The following GRIN2B variants were observed in gnomAD, a reference collection of about 807,000 sequenced individuals.
GRIN2B encodes the protein glutamate ionotropic receptor NMDA type subunit 2B.
In GRIN2B, 5 loss-of-function variants were observed where a neutral mutation model predicts 114.5. The ratio of observed to expected loss-of-function variants is 0.04; its 90% CI spans 0.02 to 0.09. GRIN2B has a LOEUF of 0.09. Among genes scored for constraint, GRIN2B ranks in the 10% least tolerant of loss-of-function variants. GRIN2B has a pLI of 1.00. For synonymous variants in GRIN2B, 787 were observed against 745.1 expected, an observed-to-expected ratio of 1.06 and a Z score of -0.92; for missense variants, 1,108 against 1,943.5, an observed-to-expected ratio of 0.57 and a Z score of 8.08.
intron 5 of GRIN2B, among the ~76,000 whole-genome samples, chr12:13,671,277 T>C (rs1391695035): frequency 6.6e-6 from 1 of 152,152 alleles, no homozygotes; most frequent in Non-Finnish European, 1.5e-5. Context: ...TCTTTGAATC[T>C]TTACAACAGC....
chr12:13,868,178 T>C (rs1443494081), intron 2 of GRIN2B, among the ~76,000 whole-genome samples: 1 of 152,116 alleles, frequency 6.6e-6, no homozygotes, highest in African/African-American at 2.4e-5. Flanking sequence ...GCCTTGTCTC[T>C]CTCTCACAAA....
chr12:13,913,373 T>C (rs1039911186), intron 2 of GRIN2B, among the ~76,000 whole-genome samples: 12 of 152,122 alleles, frequency 7.9e-5, no homozygotes, highest in African/African-American at 2.2e-4. Context: ...GAGAGTTTTT[T>C]TGGAGCCTCC....
intron 3 of GRIN2B, among the ~76,000 whole-genome samples, chr12:13,820,746 T>G (rs1864918754): frequency 6.6e-6 from 1 of 152,206 alleles, no homozygotes; most frequent in South Asian, 2.1e-4. Context: ...CTCTTTTAAC[T>G]ATCTGAAAGG....
At chr12:13,854,524 C>CAA (rs940623877) in intron 3 of GRIN2B, among the ~76,000 whole-genome samples, 7 of 151,778 alleles carry the variant, frequency 4.6e-5, no homozygotes, top group Non-Finnish European at 1.0e-4. Flanking sequence ...CAAAACAAAA[C>CAA]AAGAAGCAAA....
intron 4 of GRIN2B, among the ~76,000 whole-genome samples, chr12:13,721,309 C>T (rs539199859): frequency 6.6e-6 from 1 of 151,904 alleles, no homozygotes; most frequent in Non-Finnish European, 1.5e-5. Context: ...CTAAGTGTGA[C>T]AGGAGGCCAT....
intron 10 of GRIN2B, among the ~76,000 whole-genome samples, chr12:13,603,837 A>C (rs1156330797): frequency 6.6e-6 from 1 of 151,900 alleles, no homozygotes; most frequent in Non-Finnish European, 1.5e-5. Flanking sequence ...CCAAATACAC[A>C]GGGACTCAAA....
At chr12:13,972,317 C>T (rs1862936820) in intron 2 of GRIN2B, among the ~76,000 whole-genome samples, 1 of 152,074 alleles carries the variant, frequency 6.6e-6, no homozygotes, top group South Asian at 2.1e-4. Context: ...AGACTATTGT[C>T]ACTTTATGGA....
intron 10 of GRIN2B, among the ~76,000 whole-genome samples, chr12:13,583,780 C>T (rs965926695): frequency 3.3e-5 from 5 of 152,052 alleles, no homozygotes; most frequent in African/African-American, 1.2e-4. Context: ...GTGAGCATGG[C>T]ATCTGCACTG....
chr12:13,632,684 G>A (rs946933802), intron 5 of GRIN2B, among the ~76,000 whole-genome samples: 1 of 152,200 alleles, frequency 6.6e-6, no homozygotes, highest in African/African-American at 2.4e-5. Flanking sequence ...AGGGCAAAGA[G>A]TTCAGCTAGG....
chr12:13,782,440 G>A (rs749826667), intron 3 of GRIN2B, among the ~76,000 whole-genome samples: 19 of 152,192 alleles, frequency 1.2e-4, no homozygotes, highest in Non-Finnish European at 2.6e-4. Flanking sequence ...GATGATCTTT[G>A]CCACTGAGGT....
chr12:13,600,207 T>C (rs902941346), intron 10 of GRIN2B, among the ~76,000 whole-genome samples: 5 of 152,146 alleles, frequency 3.3e-5, no homozygotes, highest in South Asian at 2.1e-4. Flanking sequence ...CTCCCTCCCT[T>C]CCTTCCTTCC....
At position 13,541,419 on chromosome 12, in the gene GRIN2B, GA is replaced by G. The variant is rs981101514; in HGVS notation, c.*21363del. ...GGGGAGATCTGAGGCAGGGTAAATG[GA>G]AGTCACATTGTTTTCTGCACATCTT... On this transcript the variant is annotated 3_prime_UTR_variant, in exon 14 of 14. Transcript: ENST00000609686. 2 of 152,214 alleles carry G rather than the reference GA, an allele frequency of 1.3e-5. No individual in the cohort carries two copies. Among genetic ancestry groups the G allele is most frequent in the African/African-American group, 4.8e-5 (2 of 41,448 alleles). 9.4% of individuals were successfully genotyped at this position (152,214 alleles called of 1,614,324 possible).
At chr12:13,579,389 G>A (rs1489698159) in intron 10 of GRIN2B, among the ~76,000 whole-genome samples, 2 of 152,216 alleles carry the variant, frequency 1.3e-5, no homozygotes, top group African/African-American at 4.8e-5. Flanking sequence ...CTTGATAGCT[G>A]TGTGACCTTG....
intron 3 of GRIN2B, among the ~76,000 whole-genome samples, chr12:13,812,033 G>A (rs220590): frequency 0.41 from 61,735 of 152,060 alleles, 13,357 homozygotes; most frequent in East Asian, 0.7. Flanking sequence ...TCCGTGACTC[G>A]TGGCCAATCT....
intron 2 of GRIN2B, among the ~76,000 whole-genome samples, chr12:13,924,509 T>G (rs1255454934): frequency 6.6e-6 from 1 of 152,088 alleles, no homozygotes; most frequent in Non-Finnish European, 1.5e-5. Flanking sequence ...AAGGCAGGGA[T>G]TCTCAACCCA....
At chr12:13,687,427 T>A (rs1950182180) in intron 4 of GRIN2B, among the ~76,000 whole-genome samples, 1 of 152,178 alleles carries the variant, frequency 6.6e-6, no homozygotes. Flanking sequence ...TTTGGGGGTA[T>A]GCCAAGGTTC....
At chr12:13,572,087 G>T (rs2136416241) in intron 10 of GRIN2B, 123 bp from the exon 11 acceptor site, 2 of 776,416 alleles carry the variant, frequency 2.6e-6, no homozygotes, top group Non-Finnish European at 4.4e-6. Flanking sequence ...ATAATGGAAG[G>T]GACCCAACTA....
intron 2 of GRIN2B, among the ~76,000 whole-genome samples, chr12:13,975,450 T>C (rs538682776): frequency 4.6e-5 from 7 of 152,362 alleles, no homozygotes; most frequent in African/African-American, 1.7e-4. Context: ...CTAAAGAAGT[T>C]ATACAACCTT....
At chr12:13,603,025 G>A (rs1303237592) in intron 10 of GRIN2B, among the ~76,000 whole-genome samples, 1 of 152,010 alleles carries the variant, frequency 6.6e-6, no homozygotes, top group African/African-American at 2.4e-5. Context: ...CCTCCAATCT[G>A]ACCCCAGACC....
Sources: gnomAD v4.1 joint callset for allele counts (sites outside exome capture counted in the v4.1 genomes callset) on GRCh38, gnomAD v4.1.1 for gene constraint, MANE v1.5 for transcripts, NCBI Gene and HGNC (gene_info 2026-07-23, HGNC 2026-07-21) for gene names.